The following HIVEP3 variants were observed in gnomAD, a reference collection of about 807,000 sequenced individuals.
HIVEP3 encodes HIVEP zinc finger 3, also known as transcription factor HIVEP3.
HIVEP3 carries 49 observed loss-of-function variants against 152.8 expected under a neutral mutation model. The observed-to-expected ratio is 0.32, with a 90% CI of 0.26 to 0.41. The LOEUF is 0.41. HIVEP3 is among the 10% of genes least tolerant of loss of function. HIVEP3 has a pLI of 1.00. For missense variants in HIVEP3, 2,790 were observed against 3,103.3 expected (o/e 0.90, Z 2.40); for synonymous variants, 1,269 against 1,289.0 (o/e 0.98, Z 0.33).
chr1:41,627,884 C>A (rs1645140295), intron 3 of HIVEP3, among the ~76,000 whole-genome samples: 1 of 151,566 alleles, frequency 6.6e-6, no homozygotes, highest in African/African-American at 2.4e-5. Context: ...CCGTCCATCC[C>A]TCCCTCCCTC....
intron 2 of HIVEP3, among the ~76,000 whole-genome samples, chr1:41,643,968 C>A (rs1419640060): frequency 6.7e-6 from 1 of 148,350 alleles, no homozygotes; most frequent in Non-Finnish European, 1.5e-5. Flanking sequence ...CTCACTGCAA[C>A]CTCTGCCTCC....
intron 3 of HIVEP3, among the ~76,000 whole-genome samples, chr1:41,624,940 T>G (rs10749838): frequency 6.6e-6 from 1 of 151,286 alleles, no homozygotes; most frequent in Non-Finnish European, 1.5e-5. Flanking sequence ...CCGAGGTGGA[T>G]GGATCACAAG....
chr1:41,545,368 C>A (rs1643738465), intron 5 of HIVEP3, among the ~76,000 whole-genome samples: 1 of 14,298 alleles, frequency 7.0e-5, no homozygotes. Context: ...ACCATCACCA[C>A]CACCACCACT....
At chr1:41,956,120 GGTTTGGAC>G (rs1395553438) in intron 1 of HIVEP3, among the ~76,000 whole-genome samples, 38 of 152,144 alleles carry the variant, frequency 2.5e-4, no homozygotes, top group Non-Finnish European at 2.8e-4. Context: ...ACTACTTCTT[GGTTTGGAC>G]GTTTCTTATA....
chr1:41,596,389 C>T (rs193124754), intron 3 of HIVEP3, among the ~76,000 whole-genome samples: 180 of 152,094 alleles, frequency 1.2e-3, no homozygotes, highest in African/African-American at 3.6e-3. Flanking sequence ...CCATAGATAG[C>T]CTGTGTTGGA....
rs1645765739 is a variant in HIVEP3 at position 41,664,578 on chromosome 1, C to A, written c.-720-35631G>T. The stretch of plus-strand genomic sequence containing the variant: ...GCTTCAGGGAACTTTCCATCTTGAT[C>A]CCTCTCCCCTCCCAGGACTGATAAG... On this transcript the variant is annotated intron_variant, in intron 2 of 8. Coordinates refer to ENST00000372583, the MANE Select transcript of HIVEP3 (RefSeq NM_024503.5). This position sits in a 1 kb window ranked among gnomAD's most constrained non-coding sequence, Gnocchi z 4.4. 6.6e-6 allele frequency among the ~76,000 whole-genome samples: 1 copy of A among 152,200 alleles called. No individual in the cohort carries two copies. The highest frequency in any genetic ancestry group is 1.5e-5 in the Non-Finnish European group (1 of 68,040).
At chr1:41,956,614 A>T (rs1645141855) in intron 1 of HIVEP3, among the ~76,000 whole-genome samples, 1 of 152,234 alleles carries the variant, frequency 6.6e-6, no homozygotes, top group African/African-American at 2.4e-5. Flanking sequence ...TGATGCTTGA[A>T]GAGGGCCAAG....
At chr1:41,514,467 C>T (rs1286247263) in intron 7 of HIVEP3, among the ~76,000 whole-genome samples, 8 of 152,224 alleles carry the variant, frequency 5.3e-5, no homozygotes, top group Admixed American at 2.0e-4. Context: ...ACCAGGCTCC[C>T]GGTGGCTGGC....
chr1:41,544,309 G>C (rs1384063431), intron 5 of HIVEP3: 1 of 151,974 alleles, frequency 6.6e-6, no homozygotes, highest in Non-Finnish European at 1.5e-5. Flanking sequence ...AAACCAGTGA[G>C]GGGGGTTATG....
intron 1 of HIVEP3, among the ~76,000 whole-genome samples, chr1:41,940,813 G>C (rs2124485083): frequency 6.6e-6 from 1 of 152,022 alleles, no homozygotes; most frequent in Non-Finnish European, 1.5e-5. Flanking sequence ...AGCATGAAGA[G>C]AGAGGATAAA....
chr1:41,599,379 G>A (rs1251444944), intron 3 of HIVEP3, among the ~76,000 whole-genome samples: 2 of 152,256 alleles, frequency 1.3e-5, no homozygotes, highest in Non-Finnish European at 2.9e-5. Context: ...ATTGACAAAC[G>A]CGTAATCACA....
chr1:41,865,785 G>C, intron 1 of HIVEP3, among the ~76,000 whole-genome samples: 1 of 152,136 alleles, frequency 6.6e-6, no homozygotes, highest in East Asian at 1.9e-4. Context: ...GCAATAGCAA[G>C]AAGGAGGACA....
intron 3 of HIVEP3, among the ~76,000 whole-genome samples, chr1:41,609,464 G>C (rs1005838987): frequency 2.6e-5 from 4 of 152,214 alleles, no homozygotes; most frequent in African/African-American, 9.6e-5. Context: ...TTTGCCTTTG[G>C]AGGTGGATAA....
At chr1:42,005,604 G>A (rs149411612) in intron 1 of HIVEP3, among the ~76,000 whole-genome samples, 315 of 152,276 alleles carry the variant, frequency 2.1e-3, no homozygotes, top group African/African-American at 7.2e-3. Context: ...CCCAGTGTTG[G>A]TTCCCATGCT....
At chr1:41,709,069 AC>A (rs1646475671) in intron 1 of HIVEP3, among the ~76,000 whole-genome samples, 1 of 152,066 alleles carries the variant, frequency 6.6e-6, no homozygotes, top group East Asian at 1.9e-4. Flanking sequence ...CCTCTTCTGC[AC>A]CCCCTACCAC....
intron 5 of HIVEP3, among the ~76,000 whole-genome samples, chr1:41,532,025 A>G (rs1443774443): frequency 2.0e-4 from 22 of 107,334 alleles, no homozygotes; most frequent in South Asian, 3.7e-4. Flanking sequence ...GAGAGATGGA[A>G]GACAGGGGAG....
At chr1:41,925,230 T>C (rs1406636615) in intron 1 of HIVEP3, among the ~76,000 whole-genome samples, 3 of 152,174 alleles carry the variant, frequency 2.0e-5, no homozygotes, top group Non-Finnish European at 4.4e-5. Context: ...CCTGAACAAC[T>C]CAGGGGTTGG....
intron 2 of HIVEP3, among the ~76,000 whole-genome samples, chr1:41,666,882 C>A (rs1418845898): frequency 6.6e-6 from 1 of 152,214 alleles, no homozygotes; most frequent in Admixed American, 6.5e-5. Context: ...TCTGCACTAT[C>A]CCCATCCACC....
chr1:41,562,634 C>CTTT (rs1558063191), intron 5 of HIVEP3, among the ~76,000 whole-genome samples: 110 of 88,806 alleles, frequency 1.2e-3, no homozygotes, highest in African/African-American at 5.2e-3. Flanking sequence ...TCTCTCTCTC[C>CTTT]CTCTCTCTCT....
Sources: gnomAD v4.1 joint callset for allele counts (sites outside exome capture counted in the v4.1 genomes callset) on GRCh38, gnomAD v4.1.1 for gene constraint, Gnocchi (gnomAD v3.1) non-coding constraint, MANE v1.5 for transcripts, NCBI Gene and HGNC (gene_info 2026-07-23, HGNC 2026-07-21) for gene names.